The following CFAP119 variants were observed in gnomAD, a reference collection of about 807,000 sequenced individuals.
The protein encoded by CFAP119 is cilia and flagella associated protein 119.
chr16:30,759,970 A>C, the CFAP119 span: 2 of 1,452,270 alleles, frequency 1.4e-6, no homozygotes, highest in African/African-American at 2.8e-5. Flanking sequence ...GGAATAAACC[A>C]AGAAATAGAT....
At chr16:30,759,771 A>G in the CFAP119 span, 3 of 1,560,828 alleles carry the variant, frequency 1.9e-6, no homozygotes, top group Non-Finnish European at 1.7e-6. Context: ...TCTGGTATCC[A>G]TTCATTCACT....
At chr16:30,759,290 G>A in the CFAP119 span, 7 of 1,613,344 alleles carry the variant, frequency 4.3e-6, no homozygotes, top group Non-Finnish European at 5.9e-6. Flanking sequence ...GTGCACCTGT[G>A]CTGAGGGGAG....
chr16:30,759,785 C>T, the CFAP119 span: 20 of 1,548,312 alleles, frequency 1.3e-5, no homozygotes, highest in Admixed American at 1.0e-4. Flanking sequence ...ATTCACTTCA[C>T]TCAACAGCTG....
At chr16:30,759,755 G>GC in the CFAP119 span, 11 of 1,580,594 alleles carry the variant, frequency 7.0e-6, no homozygotes, top group Admixed American at 1.8e-5. Context: ...CAGCAGTGAG[G>GC]CCCTCTCTGG....
At chr16:30,760,436 A>G in the CFAP119 span, 600 of 1,614,014 alleles carry the variant, frequency 3.7e-4, no homozygotes, top group Non-Finnish European at 4.8e-4. Flanking sequence ...CCCTAGCTCC[A>G]GCAGCTCAGC....
chr16:30,761,174 T>C, the CFAP119 span: 2 of 1,612,892 alleles, frequency 1.2e-6, no homozygotes, highest in Admixed American at 1.7e-5. Flanking sequence ...ATATTCAGTG[T>C]AATTTTTGTC....
At chr16:30,761,674 C>CCG in the CFAP119 span, 2 of 1,535,912 alleles carry the variant, frequency 1.3e-6, no homozygotes, top group Non-Finnish European at 1.7e-6. Context: ...CCGCTTCCCG[C>CCG]CGCAGCTCGG....
At chr16:30,761,143 G>T in the CFAP119 span, 2 of 1,590,518 alleles carry the variant, frequency 1.3e-6, no homozygotes, top group South Asian at 1.1e-5. Context: ...AGGACTGTTG[G>T]GGAGACAATA....
chr16:30,759,411 G>A, the CFAP119 span: 1 of 1,614,234 alleles, frequency 6.2e-7, no homozygotes, highest in Admixed American at 1.7e-5. Flanking sequence ...AGTCTTCCAA[G>A]GCCAGCAGCT....
chr16:30,757,441 C>G, the CFAP119 span: 3 of 1,596,430 alleles, frequency 1.9e-6, no homozygotes, highest in Non-Finnish European at 1.7e-6. Flanking sequence ...TGGTGCCATT[C>G]TGGCCCAGAC....
the CFAP119 span, chr16:30,759,696 GCAC>G: frequency 6.2e-7 from 1 of 1,613,600 alleles, no homozygotes; most frequent in Admixed American, 1.7e-5. Context: ...AGTAGCGGTA[GCAC>G]TCCTCCACGT....
chr16:30,761,089 G>C, the CFAP119 span: 1 of 1,271,134 alleles, frequency 7.9e-7, no homozygotes, highest in Non-Finnish European at 1.1e-6. Flanking sequence ...TGCATCTCCA[G>C]GCCTCAGTCT....
chr16:30,759,013 T>C, the CFAP119 span: 1 of 1,614,212 alleles, frequency 6.2e-7, no homozygotes, highest in Non-Finnish European at 8.5e-7. Flanking sequence ...GATCCTCACT[T>C]GGCTCTGGCT....
the CFAP119 span, chr16:30,759,829 T>C: frequency 2.1e-5 from 32 of 1,495,486 alleles, no homozygotes; most frequent in Middle Eastern, 3.6e-4. Context: ...CAGACAGATC[T>C]GGGTTTCAGC....
At chr16:30,760,529 A>C in the CFAP119 span, 79 of 1,606,952 alleles carry the variant, frequency 4.9e-5, no homozygotes, top group Admixed American at 1.2e-4. Context: ...CTTTGGAGTC[A>C]GCCATTCCTC....
At chr16:30,760,914 C>G in the CFAP119 span, 1 of 614,576 alleles carries the variant, frequency 1.6e-6, no homozygotes, top group East Asian at 2.7e-5. Flanking sequence ...CCTTGTATGA[C>G]CTTGGTCAAG....
At chr16:30,759,399 G>GT in the CFAP119 span, 10 of 1,614,232 alleles carry the variant, frequency 6.2e-6, no homozygotes, top group Non-Finnish European at 8.5e-6. Context: ...TGTTGACCAC[G>GT]TAGTCTTCCA....
At chr16:30,760,173 T>C in the CFAP119 span, 1 of 1,599,878 alleles carries the variant, frequency 6.3e-7, no homozygotes. Context: ...ATGCTACTAA[T>C]AATGACATAT....
chr16:30,759,832 G>A, the CFAP119 span: 1 of 1,491,280 alleles, frequency 6.7e-7, no homozygotes, highest in Non-Finnish European at 8.9e-7. Context: ...ACAGATCTGG[G>A]TTTCAGCACT....
Sources: allele counts gnomAD v4.1 joint callset, GRCh38; gene constraint gnomAD v4.1.1; transcripts MANE v1.5; gene names NCBI Gene and HGNC (gene_info 2026-07-23, HGNC 2026-07-21).